GPC5: variants seen among roughly 807,000 people sequenced by gnomAD.
GPC5 encodes glypican 5.
Under a neutral mutation model 53.9 loss-of-function variants are expected in GPC5, and 47 were observed. That is an observed-to-expected ratio of 0.87 (90% CI 0.69 to 1.11). GPC5 has a LOEUF of 1.11. Ranked by LOEUF, GPC5 falls within the 50% of genes most tolerant of loss-of-function variation. The probability of loss-of-function intolerance (pLI) is 0.00; values close to 1 mark genes in which losing one functional copy is unlikely to be tolerated. For synonymous variants in GPC5, 286 were observed against 263.3 expected (o/e 1.09, Z -0.84); for missense variants, 748 against 713.1 (o/e 1.05, Z -0.56).
At chr13:92,639,777 C>T (rs1310251032) in intron 7 of GPC5, among the ~76,000 whole-genome samples, 1 of 152,138 alleles carries the variant, frequency 6.6e-6, no homozygotes, top group East Asian at 1.9e-4. Flanking sequence ...CATTGAAAAG[C>T]AAATGGGTGC....
At chr13:91,438,604 G>A (rs1166248908) in intron 1 of GPC5, among the ~76,000 whole-genome samples, 1 of 152,160 alleles carries the variant, frequency 6.6e-6, no homozygotes, top group African/African-American at 2.4e-5. Flanking sequence ...GCTACTCGGG[G>A]GTCAGGTACC....
intron 2 of GPC5, among the ~76,000 whole-genome samples, chr13:91,691,098 G>T (rs921361726): frequency 6.6e-6 from 1 of 152,266 alleles, no homozygotes; most frequent in Admixed American, 6.5e-5. Flanking sequence ...ATTCAATTCC[G>T]TTTTCACACT....
chr13:92,434,891 A>C (rs1435057643), intron 7 of GPC5, among the ~76,000 whole-genome samples: 1 of 152,154 alleles, frequency 6.6e-6, no homozygotes, highest in Non-Finnish European at 1.5e-5. Context: ...TTTTGCTATC[A>C]ATATAACCAT....
chr13:92,696,972 T>A (rs1292630744), intron 7 of GPC5, among the ~76,000 whole-genome samples: 1 of 152,202 alleles, frequency 6.6e-6, no homozygotes, highest in Non-Finnish European at 1.5e-5. Context: ...CCCCATTGCT[T>A]GTTTTTGTCA....
intron 5 of GPC5, among the ~76,000 whole-genome samples, chr13:91,857,197 A>C (rs1355965921): frequency 6.6e-6 from 1 of 151,394 alleles, no homozygotes; most frequent in African/African-American, 2.4e-5. Flanking sequence ...TTCATGCTTC[A>C]TCATGATTTT....
chr13:92,099,711 T>C (rs2041450834), intron 6 of GPC5, among the ~76,000 whole-genome samples: 6 of 152,198 alleles, frequency 3.9e-5, no homozygotes, highest in Admixed American at 3.9e-4. Context: ...TCCCTTGTCT[T>C]GGACTCAGCC....
chr13:92,382,767 T>C (rs2043759710), intron 7 of GPC5, among the ~76,000 whole-genome samples: 1 of 151,888 alleles, frequency 6.6e-6, no homozygotes, highest in Admixed American at 6.6e-5. Context: ...TCCCAGCACT[T>C]TGGGAGGCCG....
Position 92,197,165 on chromosome 13 carries a change from C to T in GPC5, c.1561+52176C>T, listed in dbSNP as rs553413563. 2.6e-5 allele frequency among the ~76,000 whole-genome samples: 4 copies of T among 152,178 alleles called. No individual in the cohort carries two copies. The East Asian group carries it at 7.8e-4, about 30-fold the overall frequency. Reference sequence around the variant, plus strand: ...TCCTAATACCCTTTGGAAGTTTCTTCTTCCCTTCACTCACAATTTCCCTTC... The same window carrying T: ...TCCTAATACCCTTTGGAAGTTTCTTTTTCCCTTCACTCACAATTTCCCTTC... On this transcript the variant is annotated intron_variant, in intron 7 of 7. Transcript: ENST00000377067.
intron 6 of GPC5, among the ~76,000 whole-genome samples, chr13:92,109,098 A>AGTGT (rs1236565568): frequency 4.3e-5 from 4 of 92,660 alleles, no homozygotes; most frequent in African/African-American, 1.7e-4. Context: ...ACAGGGTCTT[A>AGTGT]GTGTGTCACC....
At chr13:91,562,619 A>ATTTT (rs35271520) in intron 2 of GPC5, among the ~76,000 whole-genome samples, 2,071 of 125,986 alleles carry the variant, frequency 0.016, 25 homozygotes, top group South Asian at 0.041. Context: ...ATGCCTGGCT[A>ATTTT]TTTTTTTTTT....
intron 2 of GPC5, among the ~76,000 whole-genome samples, chr13:91,646,372 T>C (rs974383373): frequency 2.0e-5 from 3 of 152,078 alleles, no homozygotes; most frequent in Non-Finnish European, 1.5e-5. Context: ...TGTTGTTATA[T>C]GTAAAATTTA....
intron 7 of GPC5, among the ~76,000 whole-genome samples, chr13:92,783,624 T>C (rs1277337454): frequency 1.3e-5 from 2 of 152,212 alleles, no homozygotes; most frequent in African/African-American, 4.8e-5. Context: ...CAGAATCCAT[T>C]AGTTTCCCTG....
At chr13:91,854,020 G>A (rs897321323) in intron 5 of GPC5, among the ~76,000 whole-genome samples, 9 of 151,472 alleles carry the variant, frequency 5.9e-5, no homozygotes, top group South Asian at 2.1e-4. Context: ...TGAAATCTCT[G>A]CTGTTAGAAG....
chr13:91,776,162 T>C (rs1295929855), intron 5 of GPC5, among the ~76,000 whole-genome samples: 1 of 152,160 alleles, frequency 6.6e-6, no homozygotes, highest in African/African-American at 2.4e-5. Context: ...GCTGAGATGA[T>C]GGTCCCTGGG....
rs1381856740 is a variant in GPC5 at position 92,756,081 on chromosome 13, A to G, written c.1562-110201A>G. Among the ~76,000 whole-genome samples, 4 of 152,106 alleles carry G rather than the reference A, an allele frequency of 2.6e-5. No homozygotes were observed. The South Asian group carries it at 6.2e-4, about 24-fold the overall frequency. ...ATGAACATTGATGCAAAAATCCTCA[A>G]TAAAATACTGGCAAAACGAATCCAG... On this transcript the variant is annotated intron_variant, in intron 7 of 7. Transcript: ENST00000377067.
chr13:92,298,042 G>A (rs2043050028), intron 7 of GPC5, among the ~76,000 whole-genome samples: 2 of 152,052 alleles, frequency 1.3e-5, no homozygotes, highest in Non-Finnish European at 2.9e-5. Flanking sequence ...ACCAATTCCG[G>A]ACACACTAGG....
intron 6 of GPC5, among the ~76,000 whole-genome samples, chr13:92,050,070 A>G (rs2138836841): frequency 6.6e-6 from 1 of 152,268 alleles, no homozygotes; most frequent in Middle Eastern, 3.4e-3. Flanking sequence ...GAAATAACTA[A>G]GAAAGAAACA....
At chr13:92,032,064 A>G (rs1383081153) in intron 6 of GPC5, among the ~76,000 whole-genome samples, 3 of 138,306 alleles carry the variant, frequency 2.2e-5, no homozygotes, top group South Asian at 2.1e-4. Flanking sequence ...TATATATATT[A>G]TGTATATATA....
At chr13:91,699,089 G>T (rs997987282) in intron 3 of GPC5, among the ~76,000 whole-genome samples, 1 of 152,128 alleles carries the variant, frequency 6.6e-6, no homozygotes, top group Non-Finnish European at 1.5e-5. Context: ...TTCAAACATG[G>T]ATGAAATTAT....
Sources: allele counts gnomAD v4.1 joint callset (sites outside exome capture counted in the v4.1 genomes callset), GRCh38; gene constraint gnomAD v4.1.1; transcripts MANE v1.5; gene names NCBI Gene and HGNC (gene_info 2026-07-23, HGNC 2026-07-21).